Variants in ZC4H2 observed in about 807,000 individuals in gnomAD.
ZC4H2 encodes zinc finger C4H2-type containing, also known as zinc finger C4H2 domain-containing protein.
For synonymous variants in ZC4H2, 84 were observed against 66.3 expected, an observed-to-expected ratio of 1.27 and a Z score of -1.30; for missense variants, 137 against 173.9, an observed-to-expected ratio of 0.79 and a Z score of 1.19.
upstream of ZC4H2, among the ~76,000 whole-genome samples, chrX:64,979,603 A>C (rs889892865): frequency 1.8e-5 from 2 of 111,674 alleles, no homozygotes; most frequent in African/African-American, 6.5e-5. Context: ...TGGGGAAGAG[A>C]AGGAAACTAT....
At chrX:64,982,539 T>A (rs1932103141) in intron 1 of ZC4H2, among the ~76,000 whole-genome samples, 1 of 112,398 alleles carries the variant, frequency 8.9e-6, no homozygotes, top group African/African-American at 3.2e-5. Context: ...TTGGGGATAA[T>A]TCAGTGAATA....
chrX:64,938,938 G>A (rs1168838096), intron 1 of ZC4H2, among the ~76,000 whole-genome samples: 2 of 111,813 alleles, frequency 1.8e-5, no homozygotes, highest in African/African-American at 6.5e-5. Flanking sequence ...TTCTGGCCAC[G>A]ACAATCAGGC....
At chrX:64,997,800 A>G (rs767622911) in intron 1 of ZC4H2, among the ~76,000 whole-genome samples, 1 of 111,267 alleles carries the variant, frequency 9.0e-6, no homozygotes, top group Admixed American at 9.6e-5. Flanking sequence ...CTTTTTTGGC[A>G]GAGATAGGGG....
chrX:64,951,880 G>T (rs111418379), intron 1 of ZC4H2, among the ~76,000 whole-genome samples: 1 of 110,379 alleles, frequency 9.1e-6, no homozygotes, highest in African/African-American at 3.3e-5. Flanking sequence ...TTGCCAATTC[G>T]TATGTCCTGA....
chrX:65,004,566 T>C (rs1301879143), intron 1 of ZC4H2, among the ~76,000 whole-genome samples: 3 of 112,048 alleles, frequency 2.7e-5, no homozygotes, highest in Non-Finnish European at 5.6e-5. Context: ...AGTGTAGGTA[T>C]TGATGGAACA....
At chrX:65,012,976 G>A (rs955372543) in intron 1 of ZC4H2, among the ~76,000 whole-genome samples, 6 of 111,443 alleles carry the variant, frequency 5.4e-5, no homozygotes, top group Admixed American at 1.9e-4. Flanking sequence ...ACATTTCATT[G>A]GCCAGAACTA....
intron 1 of ZC4H2, among the ~76,000 whole-genome samples, chrX:64,930,045 T>C (rs1030618409): frequency 1.8e-5 from 2 of 111,739 alleles, no homozygotes; most frequent in Non-Finnish European, 3.8e-5. Flanking sequence ...ATGATCTTTT[T>C]TAGGAGTGTT....
At chrX:64,991,657 A>G (rs1383729354) in intron 1 of ZC4H2, among the ~76,000 whole-genome samples, 1 of 112,043 alleles carries the variant, frequency 8.9e-6, no homozygotes, top group East Asian at 2.8e-4. Context: ...ATGACTCATT[A>G]ATTCTACTCC....
chrX:65,026,240 A>T (rs1412895071), intron 1 of ZC4H2, among the ~76,000 whole-genome samples: 1 of 112,309 alleles, frequency 8.9e-6, no homozygotes, highest in Non-Finnish European at 1.9e-5. Context: ...TACCTTCCAG[A>T]TACAGGAAAA....
chrX:64,997,795 T>C (rs1427570980), intron 1 of ZC4H2, among the ~76,000 whole-genome samples: 2 of 111,343 alleles, frequency 1.8e-5, no homozygotes, highest in Non-Finnish European at 3.8e-5. Context: ...ATGTTCTTTT[T>C]TGGCAGAGAT....
At chrX:65,001,050 G>A (rs901343137) in intron 1 of ZC4H2, among the ~76,000 whole-genome samples, 2 of 111,391 alleles carry the variant, frequency 1.8e-5, no homozygotes, top group African/African-American at 6.5e-5. Flanking sequence ...AACCTAGCAA[G>A]ACAGGCCAAC....
intron 1 of ZC4H2, among the ~76,000 whole-genome samples, chrX:64,927,183 T>C (rs1191274639): frequency 9.0e-6 from 1 of 110,824 alleles, no homozygotes; most frequent in African/African-American, 3.3e-5. Context: ...GTGCAGAACA[T>C]GCAGGTTTGT....
intron 1 of ZC4H2, among the ~76,000 whole-genome samples, chrX:64,964,176 C>A (rs1341441710): frequency 2.7e-5 from 3 of 110,002 alleles, no homozygotes; most frequent in Non-Finnish European, 5.7e-5. Flanking sequence ...GAGGGTAGAT[C>A]TCAAGTTCTG....
intron 1 of ZC4H2, among the ~76,000 whole-genome samples, chrX:64,971,824 C>T (rs993939570): frequency 1.8e-5 from 2 of 111,863 alleles, no homozygotes; most frequent in East Asian, 2.8e-4. Context: ...ACCTACTTAA[C>T]TCAACATCTC....
intron 1 of ZC4H2, among the ~76,000 whole-genome samples, chrX:64,997,910 GC>G (rs1397845884): frequency 8.9e-6 from 1 of 111,943 alleles, no homozygotes; most frequent in East Asian, 2.8e-4. Flanking sequence ...GAGCAACCAC[GC>G]CTCGCCAAGT....
chrX:65,025,145 CT>C lies in ZC4H2; in HGVS notation c.-272+9483del, dbSNP rs1177199868. ...GGTTTTTTTGTTGGTTTGTTTTTTG[CT>C]TTTTTTTTTTTTTTTTTTTTGAGTC... On this transcript the variant is annotated intron_variant, in intron 1 of 4. Transcript: ENST00000337990. Among the ~76,000 whole-genome samples, 580 of 73,682 alleles carry C rather than the reference CT, an allele frequency of 7.9e-3. 3 individuals are homozygous for C. The highest frequency in any genetic ancestry group is 0.026 in the African/African-American group (441 of 16,909). The allele number at this position is 73,682 out of a possible 115,157, so 64.0% of individuals were successfully genotyped here. A position where few individuals can be genotyped will look rare whatever the true frequency, so the allele number is the denominator to read the frequency against.
chrX:65,027,392 G>A (rs974147155), intron 1 of ZC4H2, among the ~76,000 whole-genome samples: 2 of 111,436 alleles, frequency 1.8e-5, no homozygotes, highest in African/African-American at 3.3e-5. Context: ...AAGAATGAAG[G>A]TAAGGAGCCT....
intron 1 of ZC4H2, among the ~76,000 whole-genome samples, chrX:65,021,351 C>T: frequency 9.0e-6 from 1 of 111,206 alleles, no homozygotes; most frequent in South Asian, 3.7e-4. Context: ...CAAATTAGAA[C>T]TCAGGATTAA....
chrX:65,018,453 A>G lies in ZC4H2; in HGVS notation c.-272+16176T>C, dbSNP rs749052339. On this transcript the variant is annotated intron_variant, in intron 1 of 4. Transcript: ENST00000337990. ...TTGGTGGATTTCCTTCCCCTAGCCAAGAGAAACCGTGAGAGACTGTACCTT... is the reference window on the plus strand; with the variant it reads ...TTGGTGGATTTCCTTCCCCTAGCCAGGAGAAACCGTGAGAGACTGTACCTT... Among the ~76,000 whole-genome samples, 28 of 112,066 alleles carry G rather than the reference A, an allele frequency of 2.5e-4. 1 individual carries two copies. The South Asian group carries it at 0.01, about 40-fold the overall frequency.
Sources: gnomAD v4.1 joint callset for allele counts (sites outside exome capture counted in the v4.1 genomes callset) on GRCh38, gnomAD v4.1.1 for gene constraint, MANE v1.5 for transcripts, NCBI Gene and HGNC (gene_info 2026-07-23, HGNC 2026-07-21) for gene names.